The following ANO2 variants were observed in gnomAD, a reference collection of about 807,000 sequenced individuals.
ANO2 encodes the protein anoctamin-2.
In ANO2, 101 loss-of-function variants were observed where a neutral mutation model predicts 124.2. The observed-to-expected ratio is 0.81, with a 90% CI of 0.69 to 0.96. ANO2 has a LOEUF of 0.96. Ranked by LOEUF, ANO2 falls within the 40% of genes least tolerant of loss-of-function variation. The pLI is 0.00. For synonymous variants in ANO2, 486 were observed against 482.5 expected (o/e 1.01, Z -0.09); for missense variants, 1,293 against 1,274.5 (o/e 1.01, Z -0.22).
At chr12:5,819,159 G>A (rs1681579759) in intron 7 of ANO2, among the ~76,000 whole-genome samples, 2 of 152,126 alleles carry the variant, frequency 1.3e-5, no homozygotes, top group African/African-American at 4.8e-5. Flanking sequence ...TGAGGCAGTT[G>A]CCAGGCAAAA....
chr12:5,595,885 TTC>T (rs1381749279), intron 20 of ANO2, among the ~76,000 whole-genome samples: 6 of 152,224 alleles, frequency 3.9e-5, no homozygotes, highest in African/African-American at 1.4e-4. Context: ...ACACTGATAA[TTC>T]TTTCATATCA....
chr12:5,863,845 C>T (rs1955345551), intron 3 of ANO2, among the ~76,000 whole-genome samples: 1 of 151,998 alleles, frequency 6.6e-6, no homozygotes, highest in African/African-American at 2.4e-5. Flanking sequence ...GTTAAATAAA[C>T]ATTATTTACT....
At chr12:5,878,224 T>C (rs1452799592) in intron 3 of ANO2, among the ~76,000 whole-genome samples, 2 of 152,350 alleles carry the variant, frequency 1.3e-5, no homozygotes, top group East Asian at 3.9e-4. Context: ...GTATTTTATC[T>C]CCAATTCTTA....
At chr12:5,944,898 G>C (rs566507664) in intron 1 of ANO2, among the ~76,000 whole-genome samples, 1 of 152,162 alleles carries the variant, frequency 6.6e-6, no homozygotes, top group South Asian at 2.1e-4. Flanking sequence ...CACAGAGGTG[G>C]GGATTGGTAA....
chr12:5,693,184 C>T (rs991833830), intron 14 of ANO2, among the ~76,000 whole-genome samples: 1 of 152,122 alleles, frequency 6.6e-6, no homozygotes, highest in Non-Finnish European at 1.5e-5. Flanking sequence ...AGTGACTCTC[C>T]AGCTAAGAGA....
At chr12:5,721,444 GCTTTA>G (rs1950231138) in intron 14 of ANO2, among the ~76,000 whole-genome samples, 1 of 150,508 alleles carries the variant, frequency 6.6e-6, no homozygotes, top group Non-Finnish European at 1.5e-5. Flanking sequence ...TTGGCTGTCT[GCTTTA>G]CTCTTAAATC....
intron 6 of ANO2, 74 bp downstream of exon 6, chr12:5,830,361 G>A: frequency 6.8e-7 from 1 of 1,475,200 alleles, no homozygotes; most frequent in South Asian, 1.2e-5. Flanking sequence ...GGGAGGGTAA[G>A]AGAATGCCCT....
intron 15 of ANO2, among the ~76,000 whole-genome samples, chr12:5,641,421 T>TG (rs60090862): frequency 0.24 from 36,089 of 151,902 alleles, 5,031 homozygotes; most frequent in African/African-American, 0.38. Flanking sequence ...TTTTTTTAAG[T>TG]GGGAAAAAGA....
chr12:5,700,834 GTC>G (rs1257709463), intron 14 of ANO2, among the ~76,000 whole-genome samples: 2 of 152,124 alleles, frequency 1.3e-5, no homozygotes, highest in Non-Finnish European at 2.9e-5. Context: ...GACTCCTCAC[GTC>G]TGTTTGATCC....
intron 10 of ANO2, among the ~76,000 whole-genome samples, chr12:5,793,310 TGGGC>T (rs1952752053): frequency 1.3e-5 from 2 of 152,224 alleles, no homozygotes; most frequent in African/African-American, 4.8e-5. Flanking sequence ...AAGCAGAGGC[TGGGC>T]ATTTGCTAGA....
intron 3 of ANO2, among the ~76,000 whole-genome samples, chr12:5,910,097 G>C (rs1468665061): frequency 6.6e-6 from 1 of 152,114 alleles, no homozygotes; most frequent in African/African-American, 2.4e-5. Context: ...CTAAAAATTG[G>C]CATAATTTCT....
chr12:5,667,000 C>G (rs1021440213), intron 14 of ANO2, among the ~76,000 whole-genome samples: 3 of 152,212 alleles, frequency 2.0e-5, no homozygotes, highest in Non-Finnish European at 4.4e-5. Flanking sequence ...ACAAGGCTTG[C>G]ATGAGTGTCC....
At chr12:5,640,309 G>A (rs893811486) in intron 15 of ANO2, among the ~76,000 whole-genome samples, 5 of 152,132 alleles carry the variant, frequency 3.3e-5, no homozygotes, top group African/African-American at 7.2e-5. Context: ...GGTGTCTTTG[G>A]CTTACCCGAA....
chr12:5,655,445 G>T (rs1947108517), intron 14 of ANO2, among the ~76,000 whole-genome samples: 1 of 152,176 alleles, frequency 6.6e-6, no homozygotes, highest in Non-Finnish European at 1.5e-5. Flanking sequence ...TCTGGAATGG[G>T]GCCTGAGAAT....
At chr12:5,615,543 T>C (rs1056482315) in intron 16 of ANO2, among the ~76,000 whole-genome samples, 4 of 152,124 alleles carry the variant, frequency 2.6e-5, no homozygotes, top group Non-Finnish European at 4.4e-5. Context: ...TTCCTCCTCT[T>C]GTCTACTCAA....
At chr12:5,621,674 T>C (rs1945125229) in intron 16 of ANO2, among the ~76,000 whole-genome samples, 1 of 152,094 alleles carries the variant, frequency 6.6e-6, no homozygotes, top group African/African-American at 2.4e-5. Flanking sequence ...TCCTTGAAAT[T>C]GTTCTGGATT....
chr12:5,725,446 C>A (rs536080301), intron 14 of ANO2, among the ~76,000 whole-genome samples: 1 of 152,190 alleles, frequency 6.6e-6, no homozygotes, highest in Non-Finnish European at 1.5e-5. Context: ...TTCGTGCCAG[C>A]GCTTTGCCGG....
intron 4 of ANO2, among the ~76,000 whole-genome samples, chr12:5,835,817 C>G (rs1954295489): frequency 6.6e-6 from 1 of 152,212 alleles, no homozygotes; most frequent in African/African-American, 2.4e-5. Flanking sequence ...CTGCAATGCA[C>G]AGAACTCACC....
chr12:5,681,945 G>A (rs1364587953), intron 14 of ANO2, among the ~76,000 whole-genome samples: 1 of 152,136 alleles, frequency 6.6e-6, no homozygotes, highest in Non-Finnish European at 1.5e-5. Context: ...ACAGACGGGT[G>A]GAAGGGATAA....
Sources: allele counts gnomAD v4.1 joint callset (sites outside exome capture counted in the v4.1 genomes callset), GRCh38; gene constraint gnomAD v4.1.1; transcripts MANE v1.5; gene names NCBI Gene and HGNC (gene_info 2026-07-23, HGNC 2026-07-21).